The following KDM4C variants were observed in gnomAD, a reference collection of about 807,000 sequenced individuals.
The protein encoded by KDM4C is lysine demethylase 4C.
Under a neutral mutation model 129.3 loss-of-function variants are expected in KDM4C, and 81 were observed. The ratio of observed to expected loss-of-function variants is 0.63; its 90% confidence interval spans 0.52 to 0.75. KDM4C has a LOEUF of 0.75. KDM4C is among the 30% of genes least tolerant of loss of function. The pLI, the probability that KDM4C is intolerant of heterozygous loss-of-function variation, is 0.00. For synonymous variants in KDM4C, 573 were observed against 456.1 expected, an observed-to-expected ratio of 1.26 and a Z score of -3.26; for missense variants, 1,457 against 1,304.0, an observed-to-expected ratio of 1.12 and a Z score of -1.81.
chr9:6,879,885 C>A, intron 5 of KDM4C, 127 bp from the exon 6 acceptor site: 1 of 493,884 alleles, frequency 2.0e-6, no homozygotes, highest in Non-Finnish European at 3.7e-6. Context: ...CTAATCTCTA[C>A]TCAGTTCATC....
At chr9:6,831,150 T>C (rs1044387075) in intron 4 of KDM4C, among the ~76,000 whole-genome samples, 13 of 152,190 alleles carry the variant, frequency 8.5e-5, no homozygotes, top group Admixed American at 7.2e-4. Context: ...CGGGGATCTG[T>C]GGATTTTACT....
At chr9:7,022,637 C>CTTTTTTT (rs375675040) in intron 15 of KDM4C, among the ~76,000 whole-genome samples, 1 of 133,958 alleles carries the variant, frequency 7.5e-6, no homozygotes, top group East Asian at 2.2e-4. Flanking sequence ...CCCTTTATTT[C>CTTTTTTT]TTTTTTTTTT....
intron 15 of KDM4C, among the ~76,000 whole-genome samples, chr9:7,021,874 A>G (rs1393725005): frequency 2.6e-5 from 4 of 152,046 alleles, no homozygotes; most frequent in Admixed American, 6.6e-5. Flanking sequence ...TTTCCATTTA[A>G]GTATCTAGTT....
chr9:6,852,516 G>A (rs1380055194), intron 5 of KDM4C, among the ~76,000 whole-genome samples: 2 of 152,166 alleles, frequency 1.3e-5, no homozygotes, highest in African/African-American at 2.4e-5. Flanking sequence ...AGAGGATGAA[G>A]GGCTGCAAGG....
At chr9:6,741,676 C>CTTTTTTTTTTTTTTTTTTT (rs71315557) in intron 1 of KDM4C, among the ~76,000 whole-genome samples, 1 of 94,098 alleles carries the variant, frequency 1.1e-5, no homozygotes, top group African/African-American at 4.2e-5. Context: ...GGTGGCAGCT[C>CTTTTTTTTTTTTTTTTTTT]TTTTTTTTTT....
At chr9:6,749,022 A>G (rs1563926576) in intron 1 of KDM4C, 2 of 667,474 alleles carry the variant, frequency 3.0e-6, no homozygotes, top group Admixed American at 4.4e-5. Context: ...GCTTATTATT[A>G]TTATTTTTAT....
intron 2 of KDM4C, among the ~76,000 whole-genome samples, chr9:6,800,847 C>G (rs773251159): frequency 4.6e-5 from 7 of 152,136 alleles, no homozygotes; most frequent in Non-Finnish European, 1.5e-5. Flanking sequence ...AGGCTTGTCT[C>G]GAATTCCTGA....
chr9:6,784,023 G>A (rs904902179), intron 1 of KDM4C, among the ~76,000 whole-genome samples: 2 of 152,158 alleles, frequency 1.3e-5, no homozygotes, highest in Admixed American at 6.5e-5. Flanking sequence ...TCTGTAGGCA[G>A]TGAGGAAGAA....
intron 8 of KDM4C, among the ~76,000 whole-genome samples, chr9:6,932,112 G>A (rs941471446): frequency 1.2e-4 from 19 of 152,096 alleles, no homozygotes; most frequent in African/African-American, 4.6e-4. Flanking sequence ...TTTGGGGTGG[G>A]GCCAGAGGGA....
At chr9:7,140,388 G>T (rs1489719448) in intron 19 of KDM4C, among the ~76,000 whole-genome samples, 1 of 152,088 alleles carries the variant, frequency 6.6e-6, no homozygotes, top group Non-Finnish European at 1.5e-5. Flanking sequence ...GAAATTAAAA[G>T]GGCAAAAATG....
At chr9:6,808,968 C>CA (rs60791626) in intron 3 of KDM4C, among the ~76,000 whole-genome samples, 2,439 of 152,110 alleles carry the variant, frequency 0.016, 83 homozygotes, top group African/African-American at 0.055. Context: ...GAAAGACCAA[C>CA]AAAAAATCAT....
Position 6,909,555 on chromosome 9 carries a change from T to C in KDM4C, c.921+16323T>C, listed in dbSNP as rs59048022. ...TTGCCACTGTCTGATGTTTCAAAGA[T>C]TTCTTGTATTAAATGCTGTGTCCAA... On this transcript the variant is annotated intron_variant, in intron 8 of 21. Transcript: ENST00000381309. Among the ~76,000 whole-genome samples the C allele has an allele frequency of 3.2e-3, 481 of 152,298 alleles. 3 individuals carry two copies. Among genetic ancestry groups the C allele is most frequent in the African/African-American group, 0.011 (453 of 41,554 alleles).
chr9:7,170,276 G>C, intron 21 of KDM4C: 1 of 1,074,590 alleles, frequency 9.3e-7, no homozygotes, highest in Non-Finnish European at 1.1e-6. Flanking sequence ...AGGGGACTCG[G>C]CATAATTGAA....
At chr9:7,054,016 T>C (rs1830551002) in intron 17 of KDM4C, among the ~76,000 whole-genome samples, 1 of 152,252 alleles carries the variant, frequency 6.6e-6, no homozygotes, top group African/African-American at 2.4e-5. Flanking sequence ...TACCTGTCCA[T>C]TAGAATAAAT....
Position 7,147,217 on chromosome 9 carries a change from C to T in KDM4C, c.2782-18021C>T, listed in dbSNP as rs74702265. On this transcript the variant is annotated intron_variant, in intron 19 of 21. Coordinates refer to ENST00000381309, the MANE Select transcript of KDM4C (RefSeq NM_015061.6). ...ATGGGTTTTCTTTGACTGTGAGTGG[C>T]CTGACCCCAGATCTTGGAAGCAGTA... is the stretch of plus-strand genomic sequence containing the variant. Among the ~76,000 whole-genome samples the T allele has an allele frequency of 7.6e-3, 1,157 of 152,258 alleles. 19 individuals carry two copies. Among genetic ancestry groups the T allele is most frequent in the African/African-American group, 0.026 (1,091 of 41,528 alleles).
chr9:6,736,913 T>TG (rs1324060511), intron 1 of KDM4C, among the ~76,000 whole-genome samples: 2 of 151,796 alleles, frequency 1.3e-5, no homozygotes, highest in Non-Finnish European at 2.9e-5. Context: ...TAGCCGGGCA[T>TG]GGGGGCACAC....
intron 8 of KDM4C, among the ~76,000 whole-genome samples, chr9:6,970,197 G>A (rs1831721491): frequency 6.6e-6 from 1 of 152,182 alleles, no homozygotes; most frequent in South Asian, 2.1e-4. Flanking sequence ...AGCCACATCA[G>A]TTCCAGTAAA....
At chr9:6,826,100 C>T (rs62568872) in intron 4 of KDM4C, among the ~76,000 whole-genome samples, 20,472 of 152,180 alleles carry the variant, frequency 0.13, 1,814 homozygotes, top group African/African-American at 0.24. Flanking sequence ...GCATGAGCTA[C>T]TGTGCCTGGC....
chr9:6,870,295 G>A (rs188987421), intron 5 of KDM4C, among the ~76,000 whole-genome samples: 1 of 152,076 alleles, frequency 6.6e-6, no homozygotes, highest in Admixed American at 6.6e-5. Context: ...GAGGACAGAT[G>A]GGCCCTGTCA....
Sources: allele counts gnomAD v4.1 joint callset (sites outside exome capture counted in the v4.1 genomes callset), GRCh38; gene constraint gnomAD v4.1.1; transcripts MANE v1.5; gene names NCBI Gene and HGNC (gene_info 2026-07-23, HGNC 2026-07-21).